LAMC1: variants seen among roughly 807,000 people sequenced by gnomAD.
LAMC1 encodes laminin subunit gamma 1.
LAMC1 carries 38 observed loss-of-function variants against 173.6 expected under a neutral mutation model. The observed-to-expected ratio is 0.22, with a 90% CI of 0.17 to 0.29. The LOEUF (loss-of-function observed/expected upper bound fraction) is 0.29, where lower values mean the gene tolerates loss of function less well. LAMC1 is among the 10% of genes least tolerant of loss of function. The probability of loss-of-function intolerance (pLI) is 1.00; values close to 1 mark genes in which losing one functional copy is unlikely to be tolerated. For missense variants in LAMC1, 1,824 were observed against 2,051.8 expected (o/e 0.89, Z 2.14); for synonymous variants, 746 against 749.1 (o/e 1.00, Z 0.07).
intron 1 of LAMC1, among the ~76,000 whole-genome samples, chr1:183,058,278 A>G (rs961828632): frequency 6.6e-6 from 1 of 152,174 alleles, no homozygotes; most frequent in Non-Finnish European, 1.5e-5. Flanking sequence ...CCTGTAACAT[A>G]AGGATATTGA....
rs1657191173 is a variant in LAMC1, at chr1:183,144,081, T to C, written c.*1291T>C. The C allele has an allele frequency of 6.6e-6, 1 of 152,542 alleles. No individual in the cohort carries two copies. Among genetic ancestry groups the C allele is most frequent in the Non-Finnish European group, 1.5e-5 (1 of 68,024 alleles). The allele number at this position is 152,542 out of a possible 1,614,324, so 9.4% of individuals were successfully genotyped here. On this transcript the variant is annotated 3_prime_UTR_variant, in exon 28 of 28. Coordinates refer to ENST00000258341, the MANE Select transcript of LAMC1 (RefSeq NM_002293.4). ...AGTTTCCTAGTGGGCTTCTCAACTT[T>C]TGATCCTCAGCTCTGTGGTTTTAAG...
chr1:183,084,122 A>C (rs750279733), intron 1 of LAMC1, among the ~76,000 whole-genome samples: 13 of 152,130 alleles, frequency 8.5e-5, no homozygotes, highest in Non-Finnish European at 1.5e-4. Context: ...TGGGAGGCTG[A>C]GGTGGGCGGA....
rs560446847 is a variant in LAMC1 at position 183,126,105 on chromosome 1, T to C, written c.2802-15T>C. 3.9e-5 allele frequency: 63 copies of C among 1,610,528 alleles called. 1 individual carries two copies. In the South Asian group the frequency reaches 5.8e-4, roughly 15 times the overall value. On this transcript the variant is annotated splice_polypyrimidine_tract_variant and intron_variant, in intron 15 of 27. Transcript: ENST00000258341. Reference sequence around the variant, plus strand: ...TGTTTTTCTTGCCTGAGAAATGTCCTGTGTTCATTTTCAGGTGTGACTGCC... The same window carrying C: ...TGTTTTTCTTGCCTGAGAAATGTCCCGTGTTCATTTTCAGGTGTGACTGCC...
chr1:183,067,266 C>A (rs1200514808), intron 1 of LAMC1, among the ~76,000 whole-genome samples: 3 of 151,762 alleles, frequency 2.0e-5, no homozygotes, highest in Non-Finnish European at 4.4e-5. Flanking sequence ...TAAAAAAAAT[C>A]TTTCATCTGT....
At chr1:183,124,483 C>A in intron 13 of LAMC1, 148 bp from the exon 14 acceptor site, 1 of 920,964 alleles carries the variant, frequency 1.1e-6, no homozygotes, top group Non-Finnish European at 1.7e-6. Flanking sequence ...GGCCCCGTGC[C>A]AGGGCTGCAG....
Position 183,036,396 on chromosome 1 carries a change from C to CTTT in LAMC1, c.418+12283_418+12285dup, listed in dbSNP as rs768370901. ...TACTGGCGTGAGCCACCACGCCAGT[C>CTTT]TTTTTTTTTTTTTTTTTTTTTTTGA... On this transcript the variant is annotated intron_variant, in intron 1 of 27. Coordinates refer to ENST00000258341, the MANE Select transcript of LAMC1 (RefSeq NM_002293.4). Among the ~76,000 whole-genome samples the CTTT allele has an allele frequency of 1.4e-3, 136 of 96,554 alleles. 3 individuals are homozygous for CTTT. Among genetic ancestry groups the CTTT allele is most frequent in the African/African-American group, 2.5e-3 (64 of 25,184 alleles). The allele number at this position is 96,554 out of a possible 152,430, so 63.3% of individuals were successfully genotyped here.
intron 1 of LAMC1, among the ~76,000 whole-genome samples, chr1:183,059,676 T>G (rs1468761141): frequency 6.6e-6 from 1 of 152,058 alleles, no homozygotes; most frequent in Non-Finnish European, 1.5e-5. Flanking sequence ...TTGAACTGGG[T>G]CTCGGAGCAA....
chr1:183,121,983 T>A lies in LAMC1; in HGVS notation c.2212+39T>A, dbSNP rs1318766992. On this transcript the variant is annotated intron_variant, in intron 12 of 27. Transcript: ENST00000258341. Reference sequence around the variant, plus strand: ...TGGCAGCTCTTAGACCTAACTTCTCTTTAGCAATTGTGTAGAAAGTGCTCA... The same window carrying A: ...TGGCAGCTCTTAGACCTAACTTCTCATTAGCAATTGTGTAGAAAGTGCTCA... 1.2e-5 allele frequency: 20 copies of A among 1,608,494 alleles called. No homozygotes were observed. The African/African-American group carries it at 1.7e-4, about 14-fold the overall frequency.
At chr1:183,063,593 A>G (rs779132586) in intron 1 of LAMC1, among the ~76,000 whole-genome samples, 18 of 152,184 alleles carry the variant, frequency 1.2e-4, no homozygotes, top group Middle Eastern at 3.2e-3. Context: ...GGGCCATGCT[A>G]TTCTCCTGCT....
chr1:183,101,086 T>G (rs1655823641), intron 1 of LAMC1, among the ~76,000 whole-genome samples: 1 of 152,156 alleles, frequency 6.6e-6, no homozygotes, highest in African/African-American at 2.4e-5. Flanking sequence ...TGATTTTACC[T>G]TCTCTCCTTT....
At chr1:183,031,513 A>G (rs1054851810) in intron 1 of LAMC1, among the ~76,000 whole-genome samples, 5 of 152,140 alleles carry the variant, frequency 3.3e-5, no homozygotes, top group Non-Finnish European at 7.4e-5. Flanking sequence ...CATGTTGGTC[A>G]GGCTGGTTTT....
At chr1:183,094,293 C>G (rs1436592315) in intron 1 of LAMC1, among the ~76,000 whole-genome samples, 1 of 152,214 alleles carries the variant, frequency 6.6e-6, no homozygotes, top group Non-Finnish European at 1.5e-5. Flanking sequence ...CTTCAGGACT[C>G]TGCTCAGATT....
chr1:183,136,846 A>G (rs1056770356), intron 25 of LAMC1, among the ~76,000 whole-genome samples: 6 of 152,294 alleles, frequency 3.9e-5, no homozygotes, highest in South Asian at 4.1e-4. Context: ...TCAGAGGTCT[A>G]TAGAGCCCAT....
At chr1:183,096,790 T>C (rs1463763668) in intron 1 of LAMC1, among the ~76,000 whole-genome samples, 2 of 141,892 alleles carry the variant, frequency 1.4e-5, no homozygotes, top group Non-Finnish European at 3.1e-5. Context: ...GGGGAGGCCA[T>C]GAAAAGGGAG....
At chr1:183,040,859 ATG>A (rs879702523) in intron 1 of LAMC1, among the ~76,000 whole-genome samples, 3 of 152,230 alleles carry the variant, frequency 2.0e-5, no homozygotes, top group Non-Finnish European at 4.4e-5. Flanking sequence ...GAGAGTAAGA[ATG>A]TGTGTATCAA....
At chr1:183,107,822 T>G (rs1656025157) in intron 2 of LAMC1, among the ~76,000 whole-genome samples, 1 of 151,298 alleles carries the variant, frequency 6.6e-6, no homozygotes, top group East Asian at 1.9e-4. Flanking sequence ...AGAACGAGAC[T>G]CCATCTCAAA....
rs138891476 is a variant in LAMC1, at chr1:183,123,998, G to C, written c.2402-633G>C. Among the ~76,000 whole-genome samples the C allele has an allele frequency of 1.3e-4, 20 of 152,338 alleles. No homozygotes were observed. In the East Asian group the frequency reaches 3.7e-3, roughly 28 times the overall value. On this transcript the variant is annotated intron_variant, in intron 13 of 27. Transcript: ENST00000258341. ...GGAGCAGTGAGTAGTAGAGTGGAAA[G>C]AGCTCTGGATTCTAGCTCTCCCTCT... is the stretch of plus-strand genomic sequence containing the variant.
chr1:183,107,029 T>G (rs1205068167), intron 2 of LAMC1, among the ~76,000 whole-genome samples: 1 of 152,150 alleles, frequency 6.6e-6, no homozygotes, highest in Non-Finnish European at 1.5e-5. Flanking sequence ...CTACCACACA[T>G]GTAAACATCT....
intron 1 of LAMC1, among the ~76,000 whole-genome samples, chr1:183,073,003 A>G (rs1655049385): frequency 6.6e-6 from 1 of 152,248 alleles, no homozygotes; most frequent in Non-Finnish European, 1.5e-5. Flanking sequence ...AAATGTAATA[A>G]TAATAGAAAT....
Sources: gnomAD v4.1 joint callset for allele counts (sites outside exome capture counted in the v4.1 genomes callset) on GRCh38, gnomAD v4.1.1 for gene constraint, MANE v1.5 for transcripts, NCBI Gene and HGNC (gene_info 2026-07-23, HGNC 2026-07-21) for gene names.